Variants in PARD3B observed in about 807,000 individuals in gnomAD.
PARD3B encodes the protein par-3 family cell polarity regulator beta.
PARD3B carries 103 observed loss-of-function variants against 130.2 expected under a neutral mutation model. The observed-to-expected ratio is 0.79, with a 90% CI of 0.67 to 0.93. The LOEUF is 0.93. PARD3B is among the 40% of genes least tolerant of loss of function. The probability of loss-of-function intolerance (pLI) is 0.00; values close to 1 mark genes in which losing one functional copy is unlikely to be tolerated. For missense variants in PARD3B, 1,609 were observed against 1,499.2 expected (o/e 1.07, Z -1.21); for synonymous variants, 583 against 553.2 (o/e 1.05, Z -0.76).
At chr2:205,075,399 C>T (rs79609739) in intron 4 of PARD3B, among the ~76,000 whole-genome samples, 105 of 151,864 alleles carry the variant, frequency 6.9e-4, no homozygotes, top group African/African-American at 2.2e-3. Flanking sequence ...TAAATTCTCC[C>T]GTATGAAAAT....
chr2:205,379,703 A>G (rs1463706514), intron 18 of PARD3B, among the ~76,000 whole-genome samples: 1 of 152,114 alleles, frequency 6.6e-6, no homozygotes, highest in Non-Finnish European at 1.5e-5. Flanking sequence ...GCAGCATCTT[A>G]TATCTCTGCA....
intron 2 of PARD3B, among the ~76,000 whole-genome samples, chr2:204,817,458 T>A (rs920791168): frequency 2.0e-5 from 3 of 152,136 alleles, no homozygotes; most frequent in Non-Finnish European, 2.9e-5. Context: ...ACTGAGCCAA[T>A]ACCCTTCTGT....
chr2:205,018,095 G>A (rs967909160), intron 3 of PARD3B, among the ~76,000 whole-genome samples: 2 of 152,112 alleles, frequency 1.3e-5, no homozygotes, highest in African/African-American at 4.8e-5. Context: ...ATGCCTTTAA[G>A]GCATTCACTC....
At position 204,625,742 on chromosome 2, in the gene PARD3B, A is replaced by G. The variant is rs575554362; in HGVS notation, c.121-60439A>G. On this transcript the variant is annotated intron_variant, in intron 1 of 22. Coordinates refer to ENST00000406610, the MANE Select transcript of PARD3B (RefSeq NM_001302769.2). ...TTCGAACAAGTTATTTAGGTTATTT[A>G]TAGATTTTTAGCTTTTTAAAATCTA... is the stretch of plus-strand genomic sequence containing the variant. 6.6e-5 allele frequency among the ~76,000 whole-genome samples: 10 copies of G among 152,312 alleles called. No individual in the cohort carries two copies. The South Asian group carries it at 2.1e-3, about 32-fold the overall frequency.
At chr2:205,218,049 T>C (rs1206808764) in intron 15 of PARD3B, among the ~76,000 whole-genome samples, 1 of 151,398 alleles carries the variant, frequency 6.6e-6, no homozygotes. Context: ...TGCTTCACAA[T>C]GCTCAGCTAA....
intron 2 of PARD3B, among the ~76,000 whole-genome samples, chr2:204,808,308 C>A (rs1261109954): frequency 6.6e-6 from 1 of 151,986 alleles, no homozygotes; most frequent in Admixed American, 6.6e-5. Context: ...TTGCATATAT[C>A]TATTTGTACT....
chr2:205,046,629 C>T (rs751853406), intron 3 of PARD3B, among the ~76,000 whole-genome samples: 5 of 151,870 alleles, frequency 3.3e-5, no homozygotes, highest in Non-Finnish European at 7.4e-5. Context: ...GAAAAATGTT[C>T]CTTTAAGCTG....
At chr2:205,106,230 C>T (rs1703200752) in intron 5 of PARD3B, among the ~76,000 whole-genome samples, 1 of 152,064 alleles carries the variant, frequency 6.6e-6, no homozygotes, top group South Asian at 2.1e-4. Context: ...TCACCGCAAC[C>T]TCCGCCCCCC....
intron 10 of PARD3B, among the ~76,000 whole-genome samples, chr2:205,130,239 G>T (rs891749741): frequency 9.9e-5 from 15 of 152,132 alleles, no homozygotes; most frequent in African/African-American, 3.1e-4. Flanking sequence ...TTTGGTAATA[G>T]ATTTAGAATC....
intron 11 of PARD3B, among the ~76,000 whole-genome samples, chr2:205,159,688 A>G (rs1358240080): frequency 6.6e-6 from 1 of 152,222 alleles, no homozygotes; most frequent in African/African-American, 2.4e-5. Context: ...GAGGAAGGAT[A>G]CACGTTTGCA....
chr2:204,939,633 T>C (rs1255784297), intron 2 of PARD3B, among the ~76,000 whole-genome samples: 1 of 152,228 alleles, frequency 6.6e-6, no homozygotes, highest in African/African-American at 2.4e-5. Flanking sequence ...GATTTCTTTT[T>C]TGCTTATTCC....
intron 1 of PARD3B, among the ~76,000 whole-genome samples, chr2:204,573,269 T>G (rs1188274617): frequency 6.6e-6 from 1 of 152,226 alleles, no homozygotes; most frequent in Admixed American, 6.5e-5. Flanking sequence ...TCCACTAGAA[T>G]GTAAGCAGAT....
At chr2:205,444,840 A>G (rs1157079114) in intron 20 of PARD3B, among the ~76,000 whole-genome samples, 1 of 152,224 alleles carries the variant, frequency 6.6e-6, no homozygotes, top group East Asian at 1.9e-4. Flanking sequence ...GAGGCTTTCA[A>G]ATGCTTCAGA....
intron 2 of PARD3B, among the ~76,000 whole-genome samples, chr2:204,953,108 A>G (rs1171291792): frequency 6.6e-6 from 1 of 150,914 alleles, no homozygotes; most frequent in Non-Finnish European, 1.5e-5. Context: ...TGTCACTAGT[A>G]ATAATTGAAG....
intron 2 of PARD3B, among the ~76,000 whole-genome samples, chr2:204,918,129 T>G (rs927218195): frequency 6.6e-6 from 1 of 152,238 alleles, no homozygotes. Flanking sequence ...CAAGAAGAGA[T>G]AAATGCTTAC....
chr2:204,733,092 C>A (rs1410233017), intron 2 of PARD3B, among the ~76,000 whole-genome samples: 1 of 152,000 alleles, frequency 6.6e-6, no homozygotes, highest in Non-Finnish European at 1.5e-5. Context: ...CTAATGAAAT[C>A]ACCTCAAAAG....
chr2:204,707,693 GA>G lies in PARD3B; in HGVS notation c.222+21414del, dbSNP rs1320601244. ...TAAGCCCTTTTTCAATATTGTTGTG[GA>G]AATTCTGTATATGTTAAATTATGTC... On this transcript the variant is annotated intron_variant, in intron 2 of 22. Transcript: ENST00000406610. Among the ~76,000 whole-genome samples, 6 of 152,178 alleles carry G rather than the reference GA, an allele frequency of 3.9e-5. No individual in the cohort carries two copies. The East Asian group carries it at 1.2e-3, about 29-fold the overall frequency.
At chr2:205,485,885 C>T (rs1383921978) in intron 20 of PARD3B, among the ~76,000 whole-genome samples, 1 of 152,124 alleles carries the variant, frequency 6.6e-6, no homozygotes, top group Non-Finnish European at 1.5e-5. Flanking sequence ...AAGTTAACAC[C>T]CTCTGCTCTG....
intron 4 of PARD3B, among the ~76,000 whole-genome samples, chr2:205,063,375 G>GT (rs1262292592): frequency 2.0e-5 from 3 of 151,846 alleles, no homozygotes; most frequent in Non-Finnish European, 1.5e-5. Flanking sequence ...CAAAATTTGA[G>GT]TTTTCCTGGA....
Sources: gnomAD v4.1 joint callset for allele counts (sites outside exome capture counted in the v4.1 genomes callset) on GRCh38, gnomAD v4.1.1 for gene constraint, MANE v1.5 for transcripts, NCBI Gene and HGNC (gene_info 2026-07-23, HGNC 2026-07-21) for gene names.